NUP153: variants seen among roughly 807,000 people sequenced by gnomAD.
The protein encoded by NUP153 is nucleoporin 153, also known as nuclear pore complex protein Nup153.
NUP153 carries 27 observed loss-of-function variants against 134.6 expected under a neutral mutation model. The ratio of observed to expected loss-of-function variants is 0.20; its 90% CI spans 0.15 to 0.28. The LOEUF is 0.28. Ranked by LOEUF, NUP153 falls within the 10% of genes least tolerant of loss-of-function variation. The pLI is 1.00. For synonymous variants in NUP153, 640 were observed against 623.5 expected (o/e 1.03, Z -0.40); for missense variants, 1,821 against 1,731.3 (o/e 1.05, Z -0.92).
In NUP153 at chr6:17,644,078, T is replaced by C. The variant is rs1369633313; in HGVS notation, c.1720+1989A>G. Among the ~76,000 whole-genome samples, 3 of 152,142 alleles carry C rather than the reference T, an allele frequency of 2.0e-5. No homozygotes were observed. In the East Asian group the frequency reaches 5.8e-4, roughly 29 times the overall value. On this transcript the variant is annotated intron_variant, in intron 14 of 21. Transcript: ENST00000262077. ...AAAAAAAAAGATAAGGTTGCAAACA[T>C]ACCAGTCAAATTCTTAGTTTGGGCC...
chr6:17,641,942 C>A (rs1476140245), intron 14 of NUP153, among the ~76,000 whole-genome samples: 1 of 152,130 alleles, frequency 6.6e-6, no homozygotes, highest in Non-Finnish European at 1.5e-5. Flanking sequence ...GTCTACAATT[C>A]TACTTCTGAG....
At chr6:17,630,971 G>A (rs1332120744) in intron 17 of NUP153, among the ~76,000 whole-genome samples, 2 of 152,134 alleles carry the variant, frequency 1.3e-5, no homozygotes, top group Admixed American at 6.5e-5. Context: ...AAAGTATGGT[G>A]ATTACCACAC....
chr6:17,629,021 C>A lies in NUP153; in HGVS notation c.3178G>T (p.Val1060Leu), dbSNP rs765411281. 103 of 1,614,040 alleles carry A rather than the reference C, an allele frequency of 6.4e-5. 1 individual carries two copies. The East Asian group carries it at 2.3e-3, about 36-fold the overall frequency. ...GATGTCTTACATGTGAAAGGAGCCA[C>A]TGAAGCACTCTTGGTTTCTATGGTT... is the stretch of plus-strand genomic sequence containing the variant. Reference protein sequence around the residue: ...LGTIETKSASVAPFTCKTSEA... With the variant: ...LGTIETKSASLAPFTCKTSEA... The change falls in exon 18 of 22, where the codon GTG becomes TTG. Residue 1060 changes from valine to leucine, a missense_variant. Val to Leu is a conservative substitution (Grantham distance 32). Coordinates refer to ENST00000262077, the MANE Select transcript of NUP153 (RefSeq NM_005124.4).
intron 20 of NUP153, among the ~76,000 whole-genome samples, chr6:17,620,512 G>GT (rs1486106614): frequency 6.6e-6 from 1 of 152,168 alleles, no homozygotes; most frequent in Non-Finnish European, 1.5e-5. Flanking sequence ...AGACTTAAGT[G>GT]TAAGACATGA....
At chr6:17,629,620 AGAAACATAGGAGTAACTTT>A in intron 17 of NUP153, 81 bp from the exon 18 acceptor site, 1 of 1,322,384 alleles carries the variant, frequency 7.6e-7, no homozygotes, top group Non-Finnish European at 1.0e-6. Context: ...TGAAAGCCAA[AGAAACATAGGAGTAACTTT>A]GAAAGGGCCT....
intron 2 of NUP153, among the ~76,000 whole-genome samples, chr6:17,681,972 C>G (rs141431613): frequency 1.8e-3 from 269 of 152,072 alleles, no homozygotes; most frequent in African/African-American, 6.1e-3. Flanking sequence ...TTTTAGGAGG[C>G]TGAGGCAGGA....
intron 20 of NUP153, chr6:17,619,578 T>C (rs1764537612): frequency 6.6e-6 from 1 of 152,170 alleles, no homozygotes; most frequent in African/African-American, 2.4e-5. Flanking sequence ...CAAAGAAGAT[T>C]AGCATGGCCC....
In NUP153 at chr6:17,674,888, C is replaced by A; in HGVS notation, c.852+17G>T. 6.5e-7 allele frequency: 1 copy of A among 1,535,398 alleles called. No homozygotes were observed. The highest frequency in any genetic ancestry group is 1.3e-5 in the South Asian group (1 of 76,076). ...AAAAGAAAAAAAAAGATCATCAACC[C>A]TTCTATTGGAACCTACCTGATAAGG... On this transcript the variant is annotated intron_variant, in intron 5 of 21. Coordinates refer to ENST00000262077, the MANE Select transcript of NUP153 (RefSeq NM_005124.4).
intron 5 of NUP153, among the ~76,000 whole-genome samples, chr6:17,674,677 G>A (rs1044008221): frequency 3.9e-5 from 6 of 152,166 alleles, no homozygotes; most frequent in African/African-American, 1.4e-4. Context: ...GGCTAAGGCA[G>A]GAGAATCGCT....
In NUP153 at chr6:17,675,444, T is replaced by C. The variant is rs1472180596; in HGVS notation, c.584-76A>G. 7.0e-6 allele frequency: 11 copies of C among 1,570,768 alleles called. No homozygotes were observed. The highest frequency in any genetic ancestry group is 9.5e-6 in the Non-Finnish European group (11 of 1,159,524). ...GATTTTTATAAATAGAAAATAAAAA[T>C]TACAACCAAGTCAGAAAAAAAACCC... On this transcript the variant is annotated intron_variant, in intron 3 of 21. Transcript: ENST00000262077. The surrounding 1 kb of genome is among the most constrained non-coding windows in gnomAD (Gnocchi z 4.4).
intron 11 of NUP153, among the ~76,000 whole-genome samples, chr6:17,655,805 A>G (rs1275275425): frequency 6.6e-6 from 1 of 152,196 alleles, no homozygotes; most frequent in Non-Finnish European, 1.5e-5. Flanking sequence ...CTGAAGAAAG[A>G]AACAATTTGT....
intron 21 of NUP153, 100 bp from the exon 22 acceptor site, chr6:17,616,281 G>GT (rs1554134966): frequency 1.5e-5 from 7 of 459,242 alleles, no homozygotes; most frequent in Admixed American, 8.1e-5. Flanking sequence ...GGGGGGTCGG[G>GT]TGGGGGGGGA....
At chr6:17,699,910 C>G (rs546094859) in intron 1 of NUP153, among the ~76,000 whole-genome samples, 21 of 152,184 alleles carry the variant, frequency 1.4e-4, no homozygotes, top group South Asian at 4.1e-4. Flanking sequence ...ACTAAGATAT[C>G]TGCCTTGTCA....
rs184315709 is a variant in NUP153 at position 17,630,518 on chromosome 6, C to T, written c.2660-979G>A. ...CTACTAAAAATACAAAAAAAATCAGCCAGGCATGGTGGTCTGTGCCTGTAG... is the reference window on the plus strand; with the variant it reads ...CTACTAAAAATACAAAAAAAATCAGTCAGGCATGGTGGTCTGTGCCTGTAG... On this transcript the variant is annotated intron_variant, in intron 17 of 21. Transcript: ENST00000262077. Among the ~76,000 whole-genome samples, 791 of 152,054 alleles carry T rather than the reference C, an allele frequency of 5.2e-3. 7 individuals are homozygous for T. The highest frequency in any genetic ancestry group is 9.6e-3 in the Non-Finnish European group (654 of 67,970).
At chr6:17,636,339 A>G (rs1404799718) in intron 16 of NUP153, among the ~76,000 whole-genome samples, 1 of 151,854 alleles carries the variant, frequency 6.6e-6, no homozygotes, top group Non-Finnish European at 1.5e-5. Flanking sequence ...TGTCTCAAAA[A>G]AAAAAAAAAA....
chr6:17,616,330 A>AAC, intron 21 of NUP153, 149 bp from the exon 22 acceptor site: 4 of 723,226 alleles, frequency 5.5e-6, no homozygotes, highest in Non-Finnish European at 9.1e-6. Context: ...TGCTACACCT[A>AAC]ACACACACGC....
At chr6:17,667,215 T>G (rs1767588505) in intron 8 of NUP153, among the ~76,000 whole-genome samples, 1 of 152,222 alleles carries the variant, frequency 6.6e-6, no homozygotes, top group Non-Finnish European at 1.5e-5. Flanking sequence ...AATAGATTCC[T>G]TCTTGCCTAA....
chr6:17,658,320 C>A (rs1440913190), intron 11 of NUP153, among the ~76,000 whole-genome samples: 2 of 152,176 alleles, frequency 1.3e-5, no homozygotes, highest in Non-Finnish European at 2.9e-5. Flanking sequence ...AGCTTGAACC[C>A]AAGAGGCAGA....
At chr6:17,688,332 A>G in intron 2 of NUP153, 64 bp downstream of exon 2, 1 of 1,188,604 alleles carries the variant, frequency 8.4e-7, no homozygotes, top group Non-Finnish European at 1.2e-6. Context: ...ATAACTAGGT[A>G]GTGTCTTCAA....
Sources: gnomAD v4.1 joint callset for allele counts (sites outside exome capture counted in the v4.1 genomes callset) on GRCh38, gnomAD v4.1.1 for gene constraint, Gnocchi (gnomAD v3.1) non-coding constraint, MANE v1.5 for transcripts, NCBI Gene and HGNC (gene_info 2026-07-23, HGNC 2026-07-21) for gene names.